Variants in PRMT8 observed in about 807,000 individuals in gnomAD.
The protein encoded by PRMT8 is protein arginine N-methyltransferase 8.
A neutral mutation model predicts 47.1 loss-of-function variants in PRMT8; 7 were observed. The ratio of observed to expected loss-of-function variants is 0.15; its 90% confidence interval spans 0.08 to 0.28. The LOEUF is 0.28. Among genes scored for constraint, PRMT8 ranks in the 10% least tolerant of loss-of-function variants. PRMT8 has a pLI of 1.00. For missense variants in PRMT8, 237 were observed against 505.4 expected, an observed-to-expected ratio of 0.47 and a Z score of 5.09; for synonymous variants, 188 against 186.5, an observed-to-expected ratio of 1.01 and a Z score of -0.07.
rs974137480 is a variant in PRMT8, at chr12:3,436,725, G to A, written c.48+55283G>A. The stretch of plus-strand genomic sequence containing the variant: ...AGCCATGAGTCGGTTAAACATCAAG[G>A]TGAAGTTATTTCCAGCGGATCGATT... On this transcript the variant is annotated intron_variant, in intron 1 of 9. Coordinates refer to the PRMT8 transcript ENST00000452611. This position sits in a 1 kb window ranked among gnomAD's most constrained non-coding sequence, Gnocchi z 4.2. 3.3e-5 allele frequency among the ~76,000 whole-genome samples: 5 copies of A among 152,310 alleles called. 1 individual carries two copies. The highest frequency in any genetic ancestry group is 1.2e-4 in the African/African-American group (5 of 41,556).
rs553678601 is a variant in PRMT8, at chr12:3,564,105, A to T, written c.482-4601A>T. On this transcript the variant is annotated intron_variant, in intron 4 of 9. Transcript: ENST00000382622. This position sits in a 1 kb window ranked among gnomAD's most constrained non-coding sequence, Gnocchi z 4.0. Reference sequence around the variant, plus strand: ...GTGAGCCGGGCCCTCCGCAGGTGCAAGGCAGCCAGCATGGGTGTCACCAAA... The same window carrying T: ...GTGAGCCGGGCCCTCCGCAGGTGCATGGCAGCCAGCATGGGTGTCACCAAA... Among the ~76,000 whole-genome samples, 1 of 152,280 alleles carries T rather than the reference A, an allele frequency of 6.6e-6. No homozygotes were observed. Among genetic ancestry groups the T allele is most frequent in the Non-Finnish European group, 1.5e-5 (1 of 68,032 alleles).
At position 3,581,409 on chromosome 12, in the gene PRMT8, A is replaced by G. The variant is rs979921915; in HGVS notation, c.829-1649A>G. 3.3e-5 allele frequency among the ~76,000 whole-genome samples: 5 copies of G among 152,120 alleles called. No homozygotes were observed. In the East Asian group the frequency reaches 9.6e-4, roughly 29 times the overall value. On this transcript the variant is annotated intron_variant, in intron 7 of 9. Coordinates refer to ENST00000382622, the MANE Select transcript of PRMT8 (RefSeq NM_019854.5). ...TTGAAGAAGGACCTAATGACTGGAG[A>G]TGCCAGGACGTGGACTGATCTGCCT...
At chr12:3,517,433 C>A (rs571700476) in intron 1 of PRMT8, among the ~76,000 whole-genome samples, 8 of 152,090 alleles carry the variant, frequency 5.3e-5, no homozygotes, top group Admixed American at 2.6e-4. Flanking sequence ...ATAGACAAAC[C>A]CAACACTGTT....
chr12:3,526,601 G>T (rs1039186323), intron 1 of PRMT8, among the ~76,000 whole-genome samples: 1 of 152,044 alleles, frequency 6.6e-6, no homozygotes, highest in African/African-American at 2.4e-5. Flanking sequence ...GTTTGGATTT[G>T]CATTTCCCTA....
chr12:3,441,906 G>GTACA (rs1565408557), intron 1 of PRMT8, among the ~76,000 whole-genome samples: 1 of 152,158 alleles, frequency 6.6e-6, no homozygotes, highest in Non-Finnish European at 1.5e-5. Flanking sequence ...TTTAGAAACA[G>GTACA]GTAACAGAAA....
At chr12:3,543,794 A>G (rs1390926736) in intron 2 of PRMT8, among the ~76,000 whole-genome samples, 1 of 152,166 alleles carries the variant, frequency 6.6e-6, no homozygotes, top group African/African-American at 2.4e-5. Flanking sequence ...CTCTCTGGGA[A>G]ACATGGAATC....
At chr12:3,561,640 A>G (rs185855639) in intron 4 of PRMT8, among the ~76,000 whole-genome samples, 2 of 152,302 alleles carry the variant, frequency 1.3e-5, no homozygotes, top group African/African-American at 2.4e-5. Flanking sequence ...CAGCCAAGTC[A>G]TGAATCCACA....
Position 3,583,222 on chromosome 12 carries a change from T to G in PRMT8, c.979+14T>G. On this transcript the variant is annotated intron_variant, in intron 8 of 9. Transcript: ENST00000382622. This position sits in a 1 kb window ranked among gnomAD's most constrained non-coding sequence, Gnocchi z 4.7. ...GGTTTTCCACAGGTGAGCTGTTTGT[T>G]GCTTCCCAGAGCCTCCTCCCTCTCC... 6.2e-7 allele frequency: 1 copy of G among 1,603,692 alleles called. No homozygotes were observed. The highest frequency in any genetic ancestry group is 8.5e-7 in the Non-Finnish European group (1 of 1,174,746).
chr12:3,565,831 A>G (rs1193310487), intron 4 of PRMT8, among the ~76,000 whole-genome samples: 1 of 152,172 alleles, frequency 6.6e-6, no homozygotes, highest in East Asian at 1.9e-4. Flanking sequence ...TATTTCATAC[A>G]TACCTGTTTG....
In PRMT8 at chr12:3,566,326, G is replaced by A. The variant is rs1349446544; in HGVS notation, c.482-2380G>A. On this transcript the variant is annotated intron_variant, in intron 4 of 9. Transcript: ENST00000382622. The surrounding 1 kb of genome is among the most constrained non-coding windows in gnomAD (Gnocchi z 4.7). ...TGCTCTCAGTTGAGTTCCTGCCCTG[G>A]GGTCTCTGAGACCCAGAGAAACTTC... Among the ~76,000 whole-genome samples the A allele has an allele frequency of 6.6e-6, 1 of 152,062 alleles. No homozygotes were observed. Among genetic ancestry groups the A allele is most frequent in the Non-Finnish European group, 1.5e-5 (1 of 68,012 alleles).
intron 1 of PRMT8, among the ~76,000 whole-genome samples, chr12:3,396,081 C>G (rs1251483558): frequency 3.9e-5 from 6 of 152,120 alleles, no homozygotes; most frequent in Non-Finnish European, 8.8e-5. Context: ...CTTCCTCCAT[C>G]CTTTTATTTT....
At position 3,409,542 on chromosome 12, in the gene PRMT8, G is replaced by A. The variant is rs140204202; in HGVS notation, c.48+28100G>A. ...CAGCACAGCAATGACTCTATTCATC[G>A]AGGAGGTGGGGTGCTTCAGCAGCTC... On this transcript the variant is annotated intron_variant, in intron 1 of 9. Transcript: ENST00000452611. This position sits in a 1 kb window ranked among gnomAD's most constrained non-coding sequence, Gnocchi z 4.4. Among the ~76,000 whole-genome samples, 2,853 of 151,304 alleles carry A rather than the reference G, an allele frequency of 0.019. 50 individuals are homozygous for A. Among genetic ancestry groups the A allele is most frequent in the Middle Eastern group, 0.065 (19 of 294 alleles).
chr12:3,389,531 C>T (rs1175585208), intron 1 of PRMT8, among the ~76,000 whole-genome samples: 2 of 152,166 alleles, frequency 1.3e-5, no homozygotes, highest in Non-Finnish European at 1.5e-5. Flanking sequence ...CTACCATATG[C>T]CAGATCCTGT....
chr12:3,545,587 C>T (rs1405106977), intron 2 of PRMT8, among the ~76,000 whole-genome samples: 7 of 152,168 alleles, frequency 4.6e-5, no homozygotes, highest in Admixed American at 4.6e-4. Flanking sequence ...ACCTGAATCT[C>T]CTCTGTGACT....
At position 3,491,313 on chromosome 12, in the gene PRMT8, G is replaced by T. The variant is rs942255023; in HGVS notation, c.-313G>T. ...CCGCGACCGCCGCCGCCGCCGCCGCGGAGGCTTCGGGGCTGCTTCCCTCGA... is the reference window on the plus strand; with the variant it reads ...CCGCGACCGCCGCCGCCGCCGCCGCTGAGGCTTCGGGGCTGCTTCCCTCGA... On this transcript the variant is annotated 5_prime_UTR_variant, in exon 1 of 10. Coordinates refer to ENST00000382622, the MANE Select transcript of PRMT8 (RefSeq NM_019854.5). The T allele has an allele frequency of 1.0e-3, 1,105 of 1,070,138 alleles. No homozygotes were observed. Among genetic ancestry groups the T allele is most frequent in the Non-Finnish European group, 1.2e-3 (1,054 of 884,926 alleles). 66.3% of individuals were successfully genotyped at this position (1,070,138 alleles called of 1,614,324 possible). A position where few individuals can be genotyped will look rare whatever the true frequency, so the allele number is the denominator to read the frequency against.
chr12:3,453,489 G>A lies in PRMT8; in HGVS notation c.48+72047G>A, dbSNP rs1160697735. Among the ~76,000 whole-genome samples, 5 of 152,172 alleles carry A rather than the reference G, an allele frequency of 3.3e-5. No homozygotes were observed. Among genetic ancestry groups the A allele is most frequent in the African/African-American group, 4.8e-5 (2 of 41,430 alleles). ...GAGGCTACTGCTGCTGGGACTGTGC[G>A]GTGCCGTAGGACATGATTTCTGACC... On this transcript the variant is annotated intron_variant, in intron 1 of 9. Transcript: ENST00000452611. This position sits in a 1 kb window ranked among gnomAD's most constrained non-coding sequence, Gnocchi z 4.9.
Position 3,570,916 on chromosome 12 carries a change from G to T in PRMT8, c.712+1352G>T, listed in dbSNP as rs1450505904. On this transcript the variant is annotated intron_variant, in intron 6 of 9. Transcript: ENST00000382622. The surrounding 1 kb of genome is among the most constrained non-coding windows in gnomAD (Gnocchi z 5.5). ...ACCAAATGAGGACAGTGAGAGGCAG[G>T]GGGGCCCAGGTTAAATGCTTTGCAC... Among the ~76,000 whole-genome samples, 1 of 152,116 alleles carries T rather than the reference G, an allele frequency of 6.6e-6. No individual in the cohort carries two copies. The highest frequency in any genetic ancestry group is 1.9e-4 in the East Asian group (1 of 5,188).
At chr12:3,585,159 T>G (rs763893927) in intron 8 of PRMT8, among the ~76,000 whole-genome samples, 12 of 151,986 alleles carry the variant, frequency 7.9e-5, no homozygotes, top group Non-Finnish European at 1.5e-4. Flanking sequence ...CTCTAAGAAG[T>G]GTATGATGAT....
chr12:3,395,495 G>T (rs1434875323), intron 1 of PRMT8, among the ~76,000 whole-genome samples: 1 of 151,972 alleles, frequency 6.6e-6, no homozygotes, highest in Non-Finnish European at 1.5e-5. Flanking sequence ...GGAGCAGGTT[G>T]TTCAGTTTCC....
Sources: gnomAD v4.1 joint callset for allele counts (sites outside exome capture counted in the v4.1 genomes callset) on GRCh38, gnomAD v4.1.1 for gene constraint, Gnocchi (gnomAD v3.1) non-coding constraint, MANE v1.5 for transcripts, NCBI Gene and HGNC (gene_info 2026-07-23, HGNC 2026-07-21) for gene names.